The following GRIK2 variants were observed in gnomAD, a reference collection of about 807,000 sequenced individuals.
The protein encoded by GRIK2 is glutamate receptor ionotropic, kainate 2.
In GRIK2, 32 loss-of-function variants were observed where a neutral mutation model predicts 100.3. The ratio of observed to expected loss-of-function variants is 0.32; its 90% CI spans 0.24 to 0.43. The LOEUF is 0.43. Among genes scored for constraint, GRIK2 ranks in the 20% least tolerant of loss-of-function variants. GRIK2 has a pLI of 1.00. For missense variants in GRIK2, 843 were observed against 1,114.9 expected (o/e 0.76, Z 3.47); for synonymous variants, 417 against 389.4 (o/e 1.07, Z -0.83).
chr6:101,969,971 A>G (rs1362125125), intron 14 of GRIK2, among the ~76,000 whole-genome samples: 4 of 151,920 alleles, frequency 2.6e-5, no homozygotes, highest in Admixed American at 6.6e-5. Flanking sequence ...TCTTTTTCCT[A>G]TAATGTTCTC....
At chr6:101,511,565 T>G (rs1774319100) in intron 2 of GRIK2, among the ~76,000 whole-genome samples, 1 of 151,804 alleles carries the variant, frequency 6.6e-6, no homozygotes, top group South Asian at 2.1e-4. Flanking sequence ...AATAATAAAT[T>G]TATATTATTA....
chr6:101,686,179 G>T lies in GRIK2; in HGVS notation c.778-1G>T. 6.2e-7 allele frequency: 1 copy of T among 1,606,382 alleles called. No homozygotes were observed. Among genetic ancestry groups the T allele is most frequent in the South Asian group, 1.1e-5 (1 of 90,522 alleles). On this transcript the variant is annotated splice_acceptor_variant, in intron 6 of 16. Coordinates refer to ENST00000369134, the MANE Select transcript of GRIK2 (RefSeq NM_021956.5). LOFTEE classifies it high-confidence loss of function. ...ACAACACAATAACATTTGTCTTTCA[G>T]GACCTCTTTGCTCTTGATGTTGAGC...
chr6:101,707,438 A>T (rs1773378090), intron 7 of GRIK2, among the ~76,000 whole-genome samples: 1 of 147,310 alleles, frequency 6.8e-6, no homozygotes, highest in African/African-American at 2.5e-5. Context: ...TCTTTTATAT[A>T]CATTATCACA....
intron 7 of GRIK2, among the ~76,000 whole-genome samples, chr6:101,796,514 A>G (rs1780313482): frequency 6.6e-6 from 1 of 152,166 alleles, no homozygotes; most frequent in Non-Finnish European, 1.5e-5. Context: ...TTAAATATAA[A>G]TAGAAAAATC....
intron 10 of GRIK2, among the ~76,000 whole-genome samples, chr6:101,839,395 T>G (rs1345861062): frequency 6.6e-6 from 1 of 152,186 alleles, no homozygotes; most frequent in Non-Finnish European, 1.5e-5. Context: ...GATATATGAA[T>G]AACTCTAAGT....
chr6:101,865,994 G>T (rs1487062521), intron 11 of GRIK2, among the ~76,000 whole-genome samples: 2 of 151,420 alleles, frequency 1.3e-5, no homozygotes, highest in East Asian at 1.9e-4. Flanking sequence ...TATTATTATT[G>T]TATTTTTAAA....
chr6:101,771,220 ATCTT>A lies in GRIK2; in HGVS notation c.952-28422_952-28419del, dbSNP rs558804214. The stretch of plus-strand genomic sequence containing the variant: ...AAGAGCAAAAAGAAGCATATTAGTT[ATCTT>A]TCTTTTTTTTCTTTTTTCATTAAAA... On this transcript the variant is annotated intron_variant, in intron 7 of 16. Transcript: ENST00000369134. Among the ~76,000 whole-genome samples the A allele has an allele frequency of 5.6e-3, 846 of 152,152 alleles. 8 individuals carry two copies. The highest frequency in any genetic ancestry group is 0.019 in the African/African-American group (801 of 41,554).
intron 12 of GRIK2, among the ~76,000 whole-genome samples, chr6:101,897,318 A>G (rs764404778): frequency 1.5e-4 from 23 of 151,538 alleles, no homozygotes; most frequent in African/African-American, 5.1e-4. Context: ...AAAAACAATC[A>G]TTTTTTACCA....
chr6:101,765,009 A>T (rs1229344436), intron 7 of GRIK2, among the ~76,000 whole-genome samples: 1 of 152,076 alleles, frequency 6.6e-6, no homozygotes, highest in Non-Finnish European at 1.5e-5. Context: ...TTCATCTATG[A>T]GGAACATTTT....
intron 7 of GRIK2, among the ~76,000 whole-genome samples, chr6:101,725,742 T>C (rs1219920609): frequency 6.6e-6 from 1 of 152,006 alleles, no homozygotes; most frequent in Non-Finnish European, 1.5e-5. Context: ...TCCAGGTTTC[T>C]GGACAGAATT....
At chr6:101,677,357 A>T (rs924012566) in intron 5 of GRIK2, among the ~76,000 whole-genome samples, 1 of 152,156 alleles carries the variant, frequency 6.6e-6, no homozygotes, top group African/African-American at 2.4e-5. Flanking sequence ...TTGATATCCA[A>T]CCTAATGATG....
intron 12 of GRIK2, chr6:101,890,156 A>C (rs1786950415): frequency 4.3e-6 from 1 of 232,046 alleles, no homozygotes; most frequent in African/African-American, 2.2e-5. Context: ...TCATTGCCTC[A>C]CTTCGAAGAT....
At chr6:101,574,312 TTTAA>T (rs1405800795) in intron 2 of GRIK2, among the ~76,000 whole-genome samples, 1 of 147,550 alleles carries the variant, frequency 6.8e-6, no homozygotes, top group Non-Finnish European at 1.5e-5. Context: ...TATTTATATA[TTTAA>T]TATATTATGA....
chr6:101,800,585 A>C (rs1780609525), intron 8 of GRIK2, among the ~76,000 whole-genome samples: 1 of 152,200 alleles, frequency 6.6e-6, no homozygotes, highest in African/African-American at 2.4e-5. Context: ...TCTTGTAATA[A>C]ATTATTCATC....
intron 14 of GRIK2, among the ~76,000 whole-genome samples, chr6:101,996,260 G>A (rs150574282): frequency 3.9e-5 from 6 of 152,048 alleles, no homozygotes; most frequent in African/African-American, 1.4e-4. Flanking sequence ...CTCATTTCCT[G>A]TTTTTTATTA....
intron 14 of GRIK2, among the ~76,000 whole-genome samples, chr6:101,963,853 G>A (rs1442107779): frequency 1.3e-5 from 2 of 151,842 alleles, no homozygotes; most frequent in Non-Finnish European, 2.9e-5. Context: ...CATTATTTCA[G>A]AGAGTACCCT....
chr6:101,572,752 CTT>C lies in GRIK2; in HGVS notation c.116-49179_116-49178del, dbSNP rs200522647. 9.0e-3 allele frequency among the ~76,000 whole-genome samples: 711 copies of C among 79,282 alleles called. 4 individuals carry two copies. The highest frequency in any genetic ancestry group is 0.017 in the African/African-American group (438 of 26,424). The allele number at this position is 79,282 out of a possible 152,430, so 52.0% of individuals were successfully genotyped here. ...ATTTTCTTGTACTTGGCCTCAGTTTCTTTTTTTTTTTTTTTTTTTAGAATCAC... is the reference window on the plus strand; with the variant it reads ...ATTTTCTTGTACTTGGCCTCAGTTTCTTTTTTTTTTTTTTTTTAGAATCAC... On this transcript the variant is annotated intron_variant, in intron 2 of 16. Transcript: ENST00000369134.
In GRIK2 at chr6:101,734,341, A is replaced by C. The variant is rs190556709; in HGVS notation, c.951+47988A>C. 4.1e-4 allele frequency among the ~76,000 whole-genome samples: 62 copies of C among 152,306 alleles called. No individual in the cohort carries two copies. In the East Asian group the frequency reaches 0.011, roughly 27 times the overall value. ...TAAAAAGAGACAATATTGTAGCTTG[A>C]GTCAGAAAGCAGGAAAACATTAATG... On this transcript the variant is annotated intron_variant, in intron 7 of 16. Coordinates refer to ENST00000369134, the MANE Select transcript of GRIK2 (RefSeq NM_021956.5).
At chr6:101,461,939 C>T (rs565821665) in intron 2 of GRIK2, among the ~76,000 whole-genome samples, 52 of 152,174 alleles carry the variant, frequency 3.4e-4, no homozygotes, top group Non-Finnish European at 7.2e-4. Context: ...ACATTCCTAG[C>T]TATTCTTAAG....
Sources: allele counts gnomAD v4.1 joint callset (sites outside exome capture counted in the v4.1 genomes callset), GRCh38; gene constraint gnomAD v4.1.1; transcripts MANE v1.5; gene names NCBI Gene and HGNC (gene_info 2026-07-23, HGNC 2026-07-21).